FHIT: variants seen among roughly 807,000 people sequenced by gnomAD.
FHIT encodes the protein fragile histidine triad diadenosine triphosphatase.
A neutral mutation model predicts 17.9 loss-of-function variants in FHIT; 19 were observed. That is an observed-to-expected ratio of 1.06 (90% CI 0.74 to 1.56). The LOEUF (loss-of-function observed/expected upper bound fraction) is 1.56, where lower values mean the gene tolerates loss of function less well. FHIT is among the 40% of genes most tolerant of loss of function. The pLI is 0.00. For missense variants in FHIT, 248 were observed against 189.2 expected (o/e 1.31, Z -1.82); for synonymous variants, 81 against 69.7 (o/e 1.16, Z -0.81).
intron 4 of FHIT, among the ~76,000 whole-genome samples, chr3:60,652,654 G>A (rs1211565633): frequency 4.6e-5 from 7 of 151,016 alleles, no homozygotes; most frequent in African/African-American, 1.5e-4. Context: ...GCGTGAACCC[G>A]GGAGCGGAGC....
chr3:61,189,485 T>C (rs1237893608), intron 2 of FHIT, among the ~76,000 whole-genome samples: 1 of 152,158 alleles, frequency 6.6e-6, no homozygotes, highest in Non-Finnish European at 1.5e-5. Flanking sequence ...GAAGAATCAA[T>C]ATGGTGAAAA....
intron 4 of FHIT, among the ~76,000 whole-genome samples, chr3:60,561,184 T>C (rs1476190888): frequency 2.0e-5 from 3 of 152,028 alleles, no homozygotes; most frequent in Non-Finnish European, 4.4e-5. Flanking sequence ...TACTGACATA[T>C]GTGTAGAAAT....
intron 4 of FHIT, among the ~76,000 whole-genome samples, chr3:60,729,667 G>C (rs1383471137): frequency 6.6e-6 from 1 of 152,080 alleles, no homozygotes; most frequent in African/African-American, 2.4e-5. Context: ...ACAGAATGCA[G>C]TCATTTCAGT....
At chr3:61,222,068 G>A (rs1437762054) in intron 1 of FHIT, among the ~76,000 whole-genome samples, 1 of 152,208 alleles carries the variant, frequency 6.6e-6, no homozygotes, top group African/African-American at 2.4e-5. Flanking sequence ...ACTGCGGAGA[G>A]GGAGTCTGGT....
intron 3 of FHIT, among the ~76,000 whole-genome samples, chr3:60,878,739 G>T (rs1247573379): frequency 6.6e-6 from 1 of 151,974 alleles, no homozygotes; most frequent in Non-Finnish European, 1.5e-5. Context: ...AACACGCGGT[G>T]TTTGGTTTTT....
At chr3:60,213,746 T>C (rs903258713) in intron 5 of FHIT, among the ~76,000 whole-genome samples, 3 of 152,218 alleles carry the variant, frequency 2.0e-5, no homozygotes, top group Non-Finnish European at 2.9e-5. Flanking sequence ...TTTTCACAGA[T>C]TGCAAATACA....
chr3:61,036,068 A>C (rs116806430), intron 3 of FHIT, among the ~76,000 whole-genome samples: 2,636 of 152,314 alleles, frequency 0.017, 86 homozygotes, highest in African/African-American at 0.059. Flanking sequence ...AAGAGGTTTA[A>C]TTGGCTCACA....
chr3:60,008,370 G>A (rs1482054128), intron 7 of FHIT, among the ~76,000 whole-genome samples: 1 of 152,168 alleles, frequency 6.6e-6, no homozygotes, highest in African/African-American at 2.4e-5. Context: ...TGTGAAATAA[G>A]AGGTCACTTT....
In FHIT at chr3:60,620,800, A is replaced by T. The variant is rs78025180; in HGVS notation, c.-17-83821T>A. Reference sequence around the variant, plus strand: ...GACTGAACCATAACATAACCTACAGACTTGGTTAATAATAGTGTATCAAAA... The same window carrying T: ...GACTGAACCATAACATAACCTACAGTCTTGGTTAATAATAGTGTATCAAAA... On this transcript the variant is annotated intron_variant, in intron 4 of 9. Transcript: ENST00000492590. 6.6e-4 allele frequency among the ~76,000 whole-genome samples: 100 copies of T among 152,246 alleles called. 1 individual carries two copies. In the East Asian group the frequency reaches 0.018, roughly 28 times the overall value.
At chr3:60,038,987 T>A (rs1177598822) in intron 5 of FHIT, among the ~76,000 whole-genome samples, 2 of 152,192 alleles carry the variant, frequency 1.3e-5, no homozygotes, top group Non-Finnish European at 2.9e-5. Flanking sequence ...TTGGATCATC[T>A]CAGTCAGAAG....
At position 60,560,897 on chromosome 3, in the gene FHIT, A is replaced by T. The variant is rs1044553726; in HGVS notation, c.-17-23918T>A. On this transcript the variant is annotated intron_variant, in intron 4 of 9. Coordinates refer to ENST00000492590, the MANE Select transcript of FHIT (RefSeq NM_002012.4). ...GTCAAGGAGAGGTGGGGAGGAAGTGAGTAGGAAGGGACACAGAGCCAGGGA... is the reference window on the plus strand; with the variant it reads ...GTCAAGGAGAGGTGGGGAGGAAGTGTGTAGGAAGGGACACAGAGCCAGGGA... Among the ~76,000 whole-genome samples, 8 of 150,434 alleles carry T rather than the reference A, an allele frequency of 5.3e-5. 1 individual carries two copies. Among genetic ancestry groups the T allele is most frequent in the Admixed American group, 4.0e-4 (6 of 15,082 alleles).
At chr3:61,049,439 A>G (rs549491836) in intron 2 of FHIT, among the ~76,000 whole-genome samples, 1 of 152,188 alleles carries the variant, frequency 6.6e-6, no homozygotes, top group Non-Finnish European at 1.5e-5. Context: ...CTAATGATAT[A>G]AGACCTATAT....
chr3:61,203,212 G>A (rs189431171), intron 1 of FHIT, among the ~76,000 whole-genome samples: 4,121 of 149,550 alleles, frequency 0.028, 212 homozygotes, highest in African/African-American at 0.097. Flanking sequence ...AGCTGGGCGT[G>A]GTGGTGGGCA....
At chr3:60,798,990 C>T (rs1553731401) in intron 4 of FHIT, among the ~76,000 whole-genome samples, 1 of 151,950 alleles carries the variant, frequency 6.6e-6, no homozygotes, top group Non-Finnish European at 1.5e-5. Context: ...TACAGGTGTA[C>T]TGTACCCACT....
At chr3:60,137,838 G>A (rs78428117) in intron 5 of FHIT, among the ~76,000 whole-genome samples, 10,476 of 151,448 alleles carry the variant, frequency 0.069, 433 homozygotes, top group African/African-American at 0.098. Context: ...AAGTGTAAAT[G>A]AATATTTAAG....
At position 60,417,066 on chromosome 3, in the gene FHIT, T is replaced by G. The variant is rs181473833; in HGVS notation, c.103+119794A>C. Among the ~76,000 whole-genome samples, 1,339 of 149,104 alleles carry G rather than the reference T, an allele frequency of 9.0e-3. 11 individuals are homozygous for G. Among genetic ancestry groups the G allele is most frequent in the Non-Finnish European group, 0.015 (1,021 of 67,634 alleles). On this transcript the variant is annotated intron_variant, in intron 5 of 9. Transcript: ENST00000492590. ...ATCGCACCACTGCACTCCAGCCTGG[T>G]CGACAGAGGGAGACTCCATCTCAGA...
intron 5 of FHIT, among the ~76,000 whole-genome samples, chr3:60,413,090 C>T (rs1702121919): frequency 6.6e-6 from 1 of 152,106 alleles, no homozygotes; most frequent in African/African-American, 2.4e-5. Context: ...ACACACAAAC[C>T]TAGATCTAAC....
At chr3:60,542,157 C>T (rs1223277263) in intron 4 of FHIT, among the ~76,000 whole-genome samples, 1 of 152,178 alleles carries the variant, frequency 6.6e-6, no homozygotes, top group African/African-American at 2.4e-5. Flanking sequence ...TGTATTCTCT[C>T]AACATTGTTT....
intron 8 of FHIT, among the ~76,000 whole-genome samples, chr3:59,788,133 C>T (rs963613867): frequency 2.6e-5 from 4 of 152,168 alleles, no homozygotes; most frequent in African/African-American, 4.8e-5. Context: ...CCTGCCCTAA[C>T]GTTCTGTCAT....
Sources: allele counts gnomAD v4.1 joint callset (sites outside exome capture counted in the v4.1 genomes callset), GRCh38; gene constraint gnomAD v4.1.1; transcripts MANE v1.5; gene names NCBI Gene and HGNC (gene_info 2026-07-23, HGNC 2026-07-21).